SLC24A2: variants seen among roughly 807,000 people sequenced by gnomAD.
SLC24A2 encodes solute carrier family 24 member 2.
Under a neutral mutation model 62.0 loss-of-function variants are expected in SLC24A2, and 36 were observed. The observed-to-expected ratio is 0.58, with a 90% CI of 0.44 to 0.77. The LOEUF is 0.77. Among genes scored for constraint, SLC24A2 ranks in the 30% least tolerant of loss-of-function variants. SLC24A2 has a pLI of 0.00. For missense variants in SLC24A2, 846 were observed against 817.9 expected, an observed-to-expected ratio of 1.03 and a Z score of -0.42; for synonymous variants, 358 against 294.0, an observed-to-expected ratio of 1.22 and a Z score of -2.23.
At chr9:20,304,270 C>T in the SLC24A2 span, among the ~76,000 whole-genome samples, 1 of 152,082 alleles carries the variant, frequency 6.6e-6, no homozygotes, top group Admixed American at 6.5e-5. Context: ...CAGCCCCCTT[C>T]CTAAACTCTC....
the SLC24A2 span, among the ~76,000 whole-genome samples, chr9:20,091,449 G>C: frequency 1.3e-5 from 2 of 151,912 alleles, no homozygotes; most frequent in African/African-American, 2.4e-5. Flanking sequence ...GGCAGCTAGA[G>C]AGAAAGGCCA....
At chr9:20,198,922 G>A in the SLC24A2 span, among the ~76,000 whole-genome samples, 5 of 152,190 alleles carry the variant, frequency 3.3e-5, no homozygotes, top group African/African-American at 1.2e-4. Flanking sequence ...TGATGCCGAG[G>A]CTAAAAGGGG....
chr9:20,010,775 A>G, the SLC24A2 span, among the ~76,000 whole-genome samples: 1 of 106,304 alleles, frequency 9.4e-6, no homozygotes, highest in Non-Finnish European at 1.8e-5. Context: ...CCACCCCATG[A>G]CAGGCCCTGG....
chr9:20,082,804 T>G, the SLC24A2 span, among the ~76,000 whole-genome samples: 2 of 152,352 alleles, frequency 1.3e-5, no homozygotes, highest in East Asian at 3.9e-4. Context: ...TTTTATATTA[T>G]GTGCAATTTA....
chr9:20,180,364 C>A, the SLC24A2 span, among the ~76,000 whole-genome samples: 1 of 152,032 alleles, frequency 6.6e-6, no homozygotes, highest in Non-Finnish European at 1.5e-5. Flanking sequence ...ATTTAAATCT[C>A]ATTATTTTAA....
At chr9:19,760,468 T>C (rs1270428088) in intron 2 of SLC24A2, among the ~76,000 whole-genome samples, 1 of 152,098 alleles carries the variant, frequency 6.6e-6, no homozygotes, top group Admixed American at 6.5e-5. Context: ...GCTGCACCCA[T>C]CAACCTGTCA....
At chr9:20,249,354 A>G in the SLC24A2 span, among the ~76,000 whole-genome samples, 1 of 152,054 alleles carries the variant, frequency 6.6e-6, no homozygotes, top group Non-Finnish European at 1.5e-5. Flanking sequence ...CAGTTTTCTC[A>G]TCTGTCATCT....
chr9:20,029,891 T>C, the SLC24A2 span, among the ~76,000 whole-genome samples: 3 of 152,088 alleles, frequency 2.0e-5, no homozygotes, highest in South Asian at 4.2e-4. Flanking sequence ...AAACAAGCAG[T>C]TATATTATGG....
intron 8 of SLC24A2, among the ~76,000 whole-genome samples, chr9:19,541,204 C>T (rs1834234530): frequency 7.1e-6 from 1 of 141,770 alleles, no homozygotes; most frequent in African/African-American, 2.7e-5. Flanking sequence ...CTTCTCTCAG[C>T]TCGTCAAAAT....
the SLC24A2 span, among the ~76,000 whole-genome samples, chr9:20,270,086 A>G: frequency 6.6e-6 from 1 of 152,162 alleles, no homozygotes; most frequent in East Asian, 1.9e-4. Flanking sequence ...GACCTACTCT[A>G]GCAGGAAATA....
the SLC24A2 span, among the ~76,000 whole-genome samples, chr9:19,888,261 T>G: frequency 2.6e-5 from 4 of 152,240 alleles, no homozygotes; most frequent in African/African-American, 9.6e-5. Flanking sequence ...GATGTTTCTT[T>G]TAAGTCCATT....
At chr9:19,834,718 C>T in the SLC24A2 span, among the ~76,000 whole-genome samples, 1 of 152,150 alleles carries the variant, frequency 6.6e-6, no homozygotes, top group African/African-American at 2.4e-5. Flanking sequence ...TCAGGAAATA[C>T]AGAGAACGCC....
chr9:20,292,102 C>A, the SLC24A2 span, among the ~76,000 whole-genome samples: 1 of 152,098 alleles, frequency 6.6e-6, no homozygotes, highest in Admixed American at 6.5e-5. Flanking sequence ...TTCTACACAC[C>A]CAACCGCAAC....
intron 5 of SLC24A2, among the ~76,000 whole-genome samples, chr9:19,582,990 C>T (rs1404492378): frequency 1.3e-5 from 2 of 152,146 alleles, no homozygotes; most frequent in Non-Finnish European, 2.9e-5. Flanking sequence ...TCTACCCTCC[C>T]CTCTCCGCCC....
chr9:20,184,151 C>T, the SLC24A2 span, among the ~76,000 whole-genome samples: 1 of 152,082 alleles, frequency 6.6e-6, no homozygotes, highest in Non-Finnish European at 1.5e-5. Context: ...AAATGGCCAA[C>T]AGGTTCATGA....
At chr9:19,731,629 C>A (rs1339952128) in intron 2 of SLC24A2, among the ~76,000 whole-genome samples, 1 of 151,992 alleles carries the variant, frequency 6.6e-6, no homozygotes, top group Non-Finnish European at 1.5e-5. Flanking sequence ...TCAGTGGATA[C>A]CTTGATCTTG....
chr9:19,949,075 C>A, the SLC24A2 span, among the ~76,000 whole-genome samples: 4 of 151,824 alleles, frequency 2.6e-5, no homozygotes, highest in Admixed American at 6.6e-5. Flanking sequence ...CTCACTGCAA[C>A]CTCTGCCCCC....
chr9:20,018,729 T>A, the SLC24A2 span, among the ~76,000 whole-genome samples: 1 of 152,062 alleles, frequency 6.6e-6, no homozygotes, highest in South Asian at 2.1e-4. Context: ...CATCCCCTGA[T>A]TGAGGTAGGT....
chr9:20,274,254 C>T, the SLC24A2 span, among the ~76,000 whole-genome samples: 1 of 151,916 alleles, frequency 6.6e-6, no homozygotes, highest in Non-Finnish European at 1.5e-5. Flanking sequence ...GGGAGGGGGA[C>T]CAGGAGTGCT....
Sources: gnomAD v4.1 joint callset for allele counts (sites outside exome capture counted in the v4.1 genomes callset) on GRCh38, gnomAD v4.1.1 for gene constraint, MANE v1.5 for transcripts, NCBI Gene and HGNC (gene_info 2026-07-23, HGNC 2026-07-21) for gene names.